The following CCDC158 variants were observed in gnomAD, a reference collection of about 807,000 sequenced individuals.
CCDC158 encodes the protein coiled-coil domain-containing protein 158.
Under a neutral mutation model 138.6 loss-of-function variants are expected in CCDC158, and 116 were observed. The observed-to-expected ratio is 0.84, with a 90% confidence interval of 0.72 to 0.98. The LOEUF (loss-of-function observed/expected upper bound fraction) is 0.98, where lower values mean the gene tolerates loss of function less well. Ranked by LOEUF, CCDC158 falls within the 50% of genes least tolerant of loss-of-function variation. The pLI is 0.00. For missense variants in CCDC158, 1,265 were observed against 1,306.1 expected, an observed-to-expected ratio of 0.97 and a Z score of 0.48; for synonymous variants, 436 against 442.4, an observed-to-expected ratio of 0.99 and a Z score of 0.18.
chr4:76,375,916 G>A (rs1725675457), intron 9 of CCDC158, among the ~76,000 whole-genome samples: 1 of 152,178 alleles, frequency 6.6e-6, no homozygotes, highest in African/African-American at 2.4e-5. Context: ...GACCTGTCAT[G>A]TCATCAATTT....
chr4:76,340,104 T>C (rs1026996774), intron 18 of CCDC158, among the ~76,000 whole-genome samples: 3 of 152,178 alleles, frequency 2.0e-5, no homozygotes, highest in African/African-American at 7.2e-5. Context: ...CTCAACAAAA[T>C]CTATCACTTC....
At chr4:76,392,874 G>C (rs1344757150) in intron 4 of CCDC158, among the ~76,000 whole-genome samples, 2 of 151,746 alleles carry the variant, frequency 1.3e-5, no homozygotes, top group Admixed American at 6.6e-5. Flanking sequence ...AATCAAAAAA[G>C]TAATCCCATT....
At chr4:76,338,580 A>G (rs1721762294) in intron 18 of CCDC158, among the ~76,000 whole-genome samples, 1 of 152,152 alleles carries the variant, frequency 6.6e-6, no homozygotes, top group South Asian at 2.1e-4. Flanking sequence ...TAATAAATCA[A>G]TTGCTCACAG....
At chr4:76,347,359 A>C (rs1346634262) in intron 18 of CCDC158, among the ~76,000 whole-genome samples, 2 of 152,078 alleles carry the variant, frequency 1.3e-5, no homozygotes, top group Non-Finnish European at 2.9e-5. Context: ...CATACACACC[A>C]TGGAACACTA....
chr4:76,375,699 G>T (rs752565715), intron 9 of CCDC158: 2 of 693,886 alleles, frequency 2.9e-6, no homozygotes, highest in South Asian at 3.0e-5. Flanking sequence ...AATTCTGGAG[G>T]TTCTCCTAAA....
intron 2 of CCDC158, among the ~76,000 whole-genome samples, chr4:76,403,859 C>A (rs953259280): frequency 3.3e-5 from 5 of 152,070 alleles, no homozygotes; most frequent in Non-Finnish European, 7.4e-5. Context: ...AAAACAATTC[C>A]CGCAGCCCAC....
rs767847119 is a variant in CCDC158 at position 76,357,389 on chromosome 4, CT to C, written c.2157del (p.Gly720AspfsTer7). On this transcript the variant is annotated frameshift_variant, in exon 14 of 25. Coordinates refer to ENST00000682701, the MANE Select transcript of CCDC158 (RefSeq NM_001394954.1). LOFTEE classifies it high-confidence loss of function. The stretch of plus-strand genomic sequence containing the variant: ...CAGAGCATACCATGACCATCAGATC[CT>C]TCCATTGACTTTAATGTATTTCTTG... ...EQTRNTLKSM[E>X]GSDGHAMKVA... The C allele has an allele frequency of 6.4e-7, 1 of 1,574,244 alleles. No individual in the cohort carries two copies. Among genetic ancestry groups the C allele is most frequent in the South Asian group, 1.2e-5 (1 of 82,088 alleles).
At chr4:76,389,998 T>C (rs1727165356) in intron 4 of CCDC158, among the ~76,000 whole-genome samples, 1 of 152,148 alleles carries the variant, frequency 6.6e-6, no homozygotes, top group Non-Finnish European at 1.5e-5. Context: ...GAGAAGGATA[T>C]TAATAAGCAA....
intron 9 of CCDC158, chr4:76,375,669 G>C: frequency 4.3e-6 from 3 of 698,480 alleles, no homozygotes; most frequent in Non-Finnish European, 5.2e-6. Flanking sequence ...AGCTTCTACT[G>C]GTCCAAATTC....
At chr4:76,418,594 A>G (rs1729872968) in intron 1 of CCDC158, among the ~76,000 whole-genome samples, 1 of 152,196 alleles carries the variant, frequency 6.6e-6, no homozygotes, top group Admixed American at 6.5e-5. Context: ...ATGGAGGAAG[A>G]GCAAGGGAAG....
At chr4:76,359,417 C>G (rs763457097) in intron 13 of CCDC158, among the ~76,000 whole-genome samples, 17 of 152,078 alleles carry the variant, frequency 1.1e-4, no homozygotes, top group Non-Finnish European at 2.2e-4. Context: ...CAGAAGAAGA[C>G]AGGAAGATGT....
intron 18 of CCDC158, among the ~76,000 whole-genome samples, chr4:76,341,127 T>A (rs987694075): frequency 6.6e-6 from 1 of 152,204 alleles, no homozygotes; most frequent in Non-Finnish European, 1.5e-5. Context: ...AAATTTTTCA[T>A]AAATTATATC....
chr4:76,327,369 G>A (rs1404229032), intron 22 of CCDC158, among the ~76,000 whole-genome samples: 1 of 152,108 alleles, frequency 6.6e-6, no homozygotes, highest in African/African-American at 2.4e-5. Flanking sequence ...ATGGGGATAT[G>A]TTCTGAGAAT....
chr4:76,314,599 A>G (rs1349112331), intron 24 of CCDC158, among the ~76,000 whole-genome samples: 2 of 152,174 alleles, frequency 1.3e-5, no homozygotes, highest in Non-Finnish European at 2.9e-5. Context: ...CTCAACAAAT[A>G]CCCCCATTGG....
chr4:76,403,078 T>C, intron 3 of CCDC158, 60 bp downstream of exon 3: 2 of 1,189,962 alleles, frequency 1.7e-6, no homozygotes, highest in Non-Finnish European at 2.5e-6. Context: ...AACAGCAGCT[T>C]GAATGAATAT....
At chr4:76,388,033 A>G (rs1726978733) in intron 4 of CCDC158, among the ~76,000 whole-genome samples, 1 of 151,974 alleles carries the variant, frequency 6.6e-6, no homozygotes, top group African/African-American at 2.4e-5. Flanking sequence ...AAAAGTAAAC[A>G]TAATAAAAAT....
chr4:76,371,624 A>G, intron 9 of CCDC158, 88 bp from the exon 10 acceptor site: 2 of 1,488,086 alleles, frequency 1.3e-6, no homozygotes, highest in South Asian at 2.4e-5. Flanking sequence ...AAATGGTATT[A>G]TTTTGAGAAC....
At chr4:76,419,820 G>A (rs990899613) in intron 1 of CCDC158, among the ~76,000 whole-genome samples, 1 of 150,864 alleles carries the variant, frequency 6.6e-6, no homozygotes, top group African/African-American at 2.4e-5. Context: ...ATTAGGACCT[G>A]ACATATTTGA....
intron 4 of CCDC158, among the ~76,000 whole-genome samples, chr4:76,394,535 A>C (rs756244092): frequency 6.6e-6 from 1 of 152,054 alleles, no homozygotes; most frequent in Non-Finnish European, 1.5e-5. Flanking sequence ...GGTACAAAAA[A>C]AATACAACGA....
Sources: gnomAD v4.1 joint callset for allele counts (sites outside exome capture counted in the v4.1 genomes callset) on GRCh38, gnomAD v4.1.1 for gene constraint, MANE v1.5 for transcripts, NCBI Gene and HGNC (gene_info 2026-07-23, HGNC 2026-07-21) for gene names.